ZBTB46: variants seen among roughly 807,000 people sequenced by gnomAD.
ZBTB46 encodes zinc finger and BTB domain-containing protein 46.
In ZBTB46, 8 loss-of-function variants were observed where a neutral mutation model predicts 44.1. The observed-to-expected ratio is 0.18, with a 90% CI of 0.11 to 0.33. ZBTB46 has a LOEUF of 0.33. ZBTB46 is among the 10% of genes least tolerant of loss of function. The probability of loss-of-function intolerance (pLI) is 1.00; values close to 1 mark genes in which losing one functional copy is unlikely to be tolerated. For missense variants in ZBTB46, 651 were observed against 847.7 expected (o/e 0.77, Z 2.88); for synonymous variants, 409 against 382.3 (o/e 1.07, Z -0.81).
At chr20:63,770,506 C>G (rs1263386811) in intron 3 of ZBTB46, among the ~76,000 whole-genome samples, 1 of 152,120 alleles carries the variant, frequency 6.6e-6, no homozygotes, top group African/African-American at 2.4e-5. Context: ...ACAGCCAAGC[C>G]AAGGTTACTG....
At chr20:63,777,448 CAG>C (rs1474122651) in intron 2 of ZBTB46, among the ~76,000 whole-genome samples, 1 of 152,112 alleles carries the variant, frequency 6.6e-6, no homozygotes, top group African/African-American at 2.4e-5. Flanking sequence ...GTCTGGGTGA[CAG>C]AGTGAGACCC....
chr20:63,805,123 G>A (rs1431047959), intron 1 of ZBTB46, among the ~76,000 whole-genome samples: 10 of 151,918 alleles, frequency 6.6e-5, no homozygotes, highest in African/African-American at 2.2e-4. Flanking sequence ...GTTTCACCAC[G>A]TTGGCCAGGA....
In ZBTB46 at chr20:63,827,786, G is replaced by A. The variant is rs183786979; in HGVS notation, c.-34+3311C>T. On this transcript the variant is annotated intron_variant, in intron 1 of 4. Transcript: ENST00000245663. ...TTTAAATTGTAAATTAGAGTAAAAC[G>A]GCACTGCTGATACTCAACTATGCAA... Among the ~76,000 whole-genome samples, 68 of 152,214 alleles carry A rather than the reference G, an allele frequency of 4.5e-4. 2 individuals are homozygous for A. Among genetic ancestry groups the A allele is most frequent in the Admixed American group, 4.2e-3 (64 of 15,306 alleles).
intron 1 of ZBTB46, among the ~76,000 whole-genome samples, chr20:63,791,816 C>A (rs2092563256): frequency 1.3e-5 from 2 of 152,220 alleles, no homozygotes; most frequent in African/African-American, 4.8e-5. Context: ...GGGTACACCC[C>A]GTCCCGGAGT....
At position 63,791,458 on chromosome 20, in the gene ZBTB46, T is replaced by C. The variant is rs145959975; in HGVS notation, c.-33-668A>G. On this transcript the variant is annotated intron_variant, in intron 1 of 4. Coordinates refer to ENST00000245663, the MANE Select transcript of ZBTB46 (RefSeq NM_001369741.1). ...CTGCAGTGAGCCGAGATCGCGCCAG[T>C]GCACTCCAGCCTGGGCGACAGGGCG... Among the ~76,000 whole-genome samples, 459 of 128,320 alleles carry C rather than the reference T, an allele frequency of 3.6e-3. 3 individuals are homozygous for C. The highest frequency in any genetic ancestry group is 0.013 in the African/African-American group (417 of 32,714). 84.2% of individuals were successfully genotyped at this position (128,320 alleles called of 152,430 possible).
At chr20:63,807,461 C>T (rs2092688889) in intron 1 of ZBTB46, among the ~76,000 whole-genome samples, 1 of 152,198 alleles carries the variant, frequency 6.6e-6, no homozygotes, top group African/African-American at 2.4e-5. Context: ...TCTCCCACCT[C>T]AGCCTCCCCA....
At chr20:63,776,551 C>T (rs912545449) in intron 2 of ZBTB46, among the ~76,000 whole-genome samples, 7 of 152,326 alleles carry the variant, frequency 4.6e-5, no homozygotes, top group African/African-American at 1.4e-4. Context: ...AGCCTGTGAT[C>T]CCAGCACTCT....
At chr20:63,808,164 C>G (rs893259102) in intron 1 of ZBTB46, 18 of 152,786 alleles carry the variant, frequency 1.2e-4, no homozygotes, top group African/African-American at 4.3e-4. Flanking sequence ...CGGTAAGGAC[C>G]CCACCCAGAT....
At chr20:63,793,854 T>C (rs2092580491) in intron 1 of ZBTB46, among the ~76,000 whole-genome samples, 1 of 152,156 alleles carries the variant, frequency 6.6e-6, no homozygotes, top group South Asian at 2.1e-4. Context: ...GATTTTATAG[T>C]TAAAAAAATA....
At chr20:63,818,583 C>T (rs893211523) in intron 1 of ZBTB46, among the ~76,000 whole-genome samples, 4 of 152,128 alleles carry the variant, frequency 2.6e-5, no homozygotes, top group African/African-American at 4.8e-5. Context: ...TGGCTGGTCG[C>T]GGTGGCTCAT....
intron 1 of ZBTB46, among the ~76,000 whole-genome samples, chr20:63,819,488 T>C (rs905638178): frequency 1.3e-5 from 2 of 152,066 alleles, no homozygotes; most frequent in Non-Finnish European, 2.9e-5. Context: ...GGCTCTGCCA[T>C]GGGCACTCGA....
chr20:63,794,140 C>T (rs182963385), intron 1 of ZBTB46, among the ~76,000 whole-genome samples: 18 of 150,232 alleles, frequency 1.2e-4, no homozygotes, highest in Non-Finnish European at 1.8e-4. Flanking sequence ...GAGCTGAGAT[C>T]GAGCCACTGC....
intron 3 of ZBTB46, among the ~76,000 whole-genome samples, chr20:63,753,197 T>C (rs892234567): frequency 1.3e-5 from 2 of 152,304 alleles, no homozygotes; most frequent in Middle Eastern, 6.8e-3. Context: ...TGCAGGACCC[T>C]CCTTCCAGCC....
chr20:63,782,546 C>T (rs1406882443), intron 2 of ZBTB46, among the ~76,000 whole-genome samples: 1 of 152,184 alleles, frequency 6.6e-6, no homozygotes, highest in East Asian at 1.9e-4. Context: ...ATTACAGCAG[C>T]CATCAGGAGC....
At chr20:63,783,245 T>C (rs1157578936) in intron 2 of ZBTB46, among the ~76,000 whole-genome samples, 2 of 150,804 alleles carry the variant, frequency 1.3e-5, no homozygotes, top group Non-Finnish European at 2.9e-5. Flanking sequence ...CTGGCCAACA[T>C]GGCAAAACCC....
In ZBTB46 at chr20:63,777,637, C is replaced by G. The variant is rs548614182; in HGVS notation, c.938-1675G>C. On this transcript the variant is annotated intron_variant, in intron 2 of 4. Transcript: ENST00000245663. Reference sequence around the variant, plus strand: ...ACGGGGCCCAGCAGTTCCACATGTACGCATGCAGATACCCACGAGAAATGA... The same window carrying G: ...ACGGGGCCCAGCAGTTCCACATGTAGGCATGCAGATACCCACGAGAAATGA... Among the ~76,000 whole-genome samples the G allele has an allele frequency of 2.0e-5, 3 of 152,258 alleles. No individual in the cohort carries two copies. The South Asian group carries it at 6.2e-4, about 32-fold the overall frequency.
At position 63,746,951 on chromosome 20, in the gene ZBTB46, C is replaced by T. The variant is rs748105547; in HGVS notation, c.1749G>A (p.Lys583=). Residue 583 remains lysine (K), a synonymous_variant, in exon 5 of 5, where the codon AAG becomes AAA. Transcript: ENST00000245663. ...RPRSPPGGPD[K]DFAWLS is the part of the protein sequence containing the mutation. Reference sequence around the variant, plus strand: ...GGGCCTAGGAGAGCCAGGCGAAGTCCTTGTCAGGGCCTCCTGGGGGGCTGC... The same window carrying T: ...GGGCCTAGGAGAGCCAGGCGAAGTCTTTGTCAGGGCCTCCTGGGGGGCTGC... The T allele has an allele frequency of 3.2e-6, 5 of 1,579,022 alleles. No individual in the cohort carries two copies. Among genetic ancestry groups the T allele is most frequent in the South Asian group, 2.3e-5 (2 of 87,132 alleles).
rs530444389 is a variant in ZBTB46, at chr20:63,767,167, C to T, written c.1222+8511G>A. Among the ~76,000 whole-genome samples the T allele has an allele frequency of 1.3e-5, 2 of 152,362 alleles. No individual in the cohort carries two copies. The highest frequency in any genetic ancestry group is 1.3e-4 in the Admixed American group (2 of 15,312). The stretch of plus-strand genomic sequence containing the variant: ...CGCCGCGCACATGCCAGGCACACAC[C>T]GCCAAGGACGCCGTGGCAGGCTTTG... On this transcript the variant is annotated intron_variant, in intron 3 of 4. Coordinates refer to ENST00000245663, the MANE Select transcript of ZBTB46 (RefSeq NM_001369741.1). The surrounding 1 kb of genome is among the most constrained non-coding windows in gnomAD (Gnocchi z 5.0).
chr20:63,791,266 A>C (rs747514), intron 1 of ZBTB46, among the ~76,000 whole-genome samples: 64,663 of 151,904 alleles, frequency 0.43, 14,129 homozygotes, highest in East Asian at 0.55. Flanking sequence ...GAGGCCGAGG[A>C]GGGTGGAGCA....
Sources: gnomAD v4.1 joint callset for allele counts (sites outside exome capture counted in the v4.1 genomes callset) on GRCh38, gnomAD v4.1.1 for gene constraint, Gnocchi (gnomAD v3.1) non-coding constraint, MANE v1.5 for transcripts, NCBI Gene and HGNC (gene_info 2026-07-23, HGNC 2026-07-21) for gene names.